The following HS1BP3 variants were observed in gnomAD, a reference collection of about 807,000 sequenced individuals.
HS1BP3 encodes HCLS1-binding protein 3.
A neutral mutation model predicts 33.5 loss-of-function variants in HS1BP3; 32 were observed. The ratio of observed to expected loss-of-function variants is 0.95; its 90% CI spans 0.72 to 1.28. The LOEUF (loss-of-function observed/expected upper bound fraction) is 1.28. Among genes scored for constraint, HS1BP3 ranks in the 50% most tolerant of loss-of-function variants. HS1BP3 has a pLI of 0.00. For synonymous variants in HS1BP3, 187 were observed against 209.2 expected, an observed-to-expected ratio of 0.89 and a Z score of 0.92; for missense variants, 486 against 502.3, an observed-to-expected ratio of 0.97 and a Z score of 0.31.
At chr2:20,642,996 G>A (rs966634714) in intron 2 of HS1BP3, among the ~76,000 whole-genome samples, 35 of 152,186 alleles carry the variant, frequency 2.3e-4, no homozygotes, top group African/African-American at 7.7e-4. Flanking sequence ...ATCAGTACAC[G>A]TTTATATTAA....
At chr2:20,634,099 G>A (rs373297861) in intron 4 of HS1BP3, among the ~76,000 whole-genome samples, 61 of 152,382 alleles carry the variant, frequency 4.0e-4, no homozygotes, top group African/African-American at 1.4e-3. Flanking sequence ...GTCAGCAGAC[G>A]AGGGAAAGCC....
intron 1 of HS1BP3, among the ~76,000 whole-genome samples, chr2:20,649,955 C>T (rs527465455): frequency 1.3e-5 from 2 of 152,324 alleles, no homozygotes; most frequent in African/African-American, 4.8e-5. Context: ...ATACTACTGA[C>T]GTTGCTCATG....
In HS1BP3 at chr2:20,604,918, G is replaced by A. The variant is rs375555416; in HGVS notation, c.179-6653C>T. Among the ~76,000 whole-genome samples, 52 of 152,276 alleles carry A rather than the reference G, an allele frequency of 3.4e-4. No homozygotes were observed. In the South Asian group the frequency reaches 0.011, roughly 31 times the overall value. On this transcript the variant is annotated intron_variant, in intron 2 of 3. Transcript: ENST00000415264. ...GACTCATTTCTCTCCCTAAACACCA[G>A]ATTCTCTGCAGCCCAGGCTCCTTGA...
chr2:20,645,508 G>T lies in HS1BP3; in HGVS notation c.33-3C>A, dbSNP rs1695492509. The T allele has an allele frequency of 1.2e-6, 2 of 1,610,658 alleles. No homozygotes were observed. The highest frequency in any genetic ancestry group is 1.7e-6 in the Non-Finnish European group (2 of 1,178,604). On this transcript the variant is annotated splice_polypyrimidine_tract_variant and splice_region_variant and intron_variant, in intron 1 of 6. Transcript: ENST00000304031. Reference sequence around the variant, plus strand: ...CAGTGTGGGCATTCTGAAGTCGCCTGCCAGGGGAAAAGAAGGCAGGTGGGG... The same window carrying T: ...CAGTGTGGGCATTCTGAAGTCGCCTTCCAGGGGAAAAGAAGGCAGGTGGGG...
chr2:20,573,924 A>G (rs1693337881), intron 5 of HS1BP3, among the ~76,000 whole-genome samples: 1 of 152,230 alleles, frequency 6.6e-6, no homozygotes, highest in Admixed American at 6.5e-5. Context: ...TGGTGACTGC[A>G]GCAGTGTTTT....
chr2:20,650,978 C>T, intron 1 of HS1BP3, 54 bp downstream of exon 1: 1 of 1,227,768 alleles, frequency 8.1e-7, no homozygotes, highest in Non-Finnish European at 1.0e-6. Context: ...GCCTCTCCGC[C>T]CGGGCGCCCC....
intron 2 of HS1BP3, among the ~76,000 whole-genome samples, chr2:20,609,466 C>T (rs1248113023): frequency 6.6e-6 from 1 of 152,022 alleles, no homozygotes. Context: ...GCTCTTGGAG[C>T]CTTCTCTAGG....
At chr2:20,562,105 A>C (rs141728155) in intron 5 of HS1BP3, among the ~76,000 whole-genome samples, 10 of 152,286 alleles carry the variant, frequency 6.6e-5, no homozygotes, top group African/African-American at 2.4e-4. Flanking sequence ...TGGAGGCTCC[A>C]TGCCCCTTTC....
downstream of HS1BP3, among the ~76,000 whole-genome samples, chr2:20,590,159 A>T (rs1486028832): frequency 6.6e-6 from 1 of 152,058 alleles, no homozygotes; most frequent in Non-Finnish European, 1.5e-5. Context: ...AGCTGGGGGC[A>T]TTTGGCCCTG....
At chr2:20,569,719 A>G (rs1338224104) in intron 5 of HS1BP3, among the ~76,000 whole-genome samples, 3 of 152,140 alleles carry the variant, frequency 2.0e-5, no homozygotes, top group Non-Finnish European at 4.4e-5. Context: ...GAGTCTCCCA[A>G]CCATTGGCCT....
At chr2:20,649,713 T>C (rs1695628963) in intron 1 of HS1BP3, among the ~76,000 whole-genome samples, 1 of 152,234 alleles carries the variant, frequency 6.6e-6, no homozygotes, top group South Asian at 2.1e-4. Context: ...CCGGCCTTGC[T>C]GCTGGGCTAA....
At chr2:20,635,986 A>G (rs1695114816) in intron 4 of HS1BP3, 1 of 152,256 alleles carries the variant, frequency 6.6e-6, no homozygotes, top group South Asian at 2.1e-4. Flanking sequence ...GCAGAGCAGC[A>G]GCGCCTCGCC....
chr2:20,642,746 G>A (rs1281061574), intron 2 of HS1BP3, among the ~76,000 whole-genome samples: 1 of 152,252 alleles, frequency 6.6e-6, no homozygotes, highest in Non-Finnish European at 1.5e-5. Flanking sequence ...GGCTTCTTGG[G>A]TGGGCATCTG....
At chr2:20,575,815 A>C (rs939541246) in intron 5 of HS1BP3, among the ~76,000 whole-genome samples, 9 of 151,870 alleles carry the variant, frequency 5.9e-5, no homozygotes, top group Non-Finnish European at 1.3e-4. Flanking sequence ...GCAGCTGGGA[A>C]ATTAATTTAC....
intron 6 of HS1BP3, among the ~76,000 whole-genome samples, chr2:20,620,927 T>C (rs1221884686): frequency 6.6e-6 from 1 of 152,148 alleles, no homozygotes; most frequent in Non-Finnish European, 1.5e-5. Context: ...AAAGAAGGTG[T>C]TGAAGTCCAG....
At chr2:20,591,457 C>T (rs1693812130), downstream of HS1BP3, among the ~76,000 whole-genome samples, 2 of 152,164 alleles carry the variant, frequency 1.3e-5, no homozygotes, top group Non-Finnish European at 1.5e-5. Flanking sequence ...ATTCTGGGAG[C>T]CCCAAGACTT....
At chr2:20,583,859 G>A (rs1015263882) in intron 5 of HS1BP3, among the ~76,000 whole-genome samples, 6 of 152,186 alleles carry the variant, frequency 3.9e-5, no homozygotes, top group East Asian at 1.9e-4. Context: ...AGATCACCTG[G>A]AAGGAAGGTC....
intron 4 of HS1BP3, 183 bp downstream of exon 4, chr2:20,638,253 C>A (rs1037703681): frequency 3.2e-6 from 2 of 621,956 alleles, no homozygotes; most frequent in African/African-American, 3.7e-5. Flanking sequence ...GACATGCACA[C>A]CACCAAGGGC....
intron 3 of HS1BP3, among the ~76,000 whole-genome samples, chr2:20,593,222 T>C (rs973989547): frequency 3.9e-5 from 6 of 152,162 alleles, no homozygotes; most frequent in Admixed American, 2.0e-4. Context: ...AGGCCCTCCC[T>C]GGCCACATTG....
Sources: gnomAD v4.1 joint callset for allele counts (sites outside exome capture counted in the v4.1 genomes callset) on GRCh38, gnomAD v4.1.1 for gene constraint, MANE v1.5 for transcripts, NCBI Gene and HGNC (gene_info 2026-07-23, HGNC 2026-07-21) for gene names.